The following ATP1A3 variants were observed in gnomAD, a reference collection of about 807,000 sequenced individuals.
ATP1A3 encodes the protein sodium/potassium-transporting ATPase subunit alpha-3.
Under a neutral mutation model 108.8 loss-of-function variants are expected in ATP1A3, and 12 were observed. The ratio of observed to expected loss-of-function variants is 0.11; its 90% CI spans 0.07 to 0.18. The LOEUF (loss-of-function observed/expected upper bound fraction) is 0.18. Among genes scored for constraint, ATP1A3 ranks in the 10% least tolerant of loss-of-function variants. ATP1A3 has a pLI of 1.00. For synonymous variants in ATP1A3, 539 were observed against 564.5 expected, an observed-to-expected ratio of 0.95 and a Z score of 0.64; for missense variants, 498 against 1,387.7, an observed-to-expected ratio of 0.36 and a Z score of 10.19.
Position 41,978,453 on chromosome 19 carries a change from C to G in ATP1A3, c.1631-127G>C. The stretch of plus-strand genomic sequence containing the variant: ...AAGACGGCCAGTCAGCATTCATTTC[C>G]TAGGATACCTTCCCCTCTCATCCAT... On this transcript the variant is annotated intron_variant, in intron 12 of 22. Transcript: ENST00000648268. The surrounding 1 kb of genome is among the most constrained non-coding windows in gnomAD (Gnocchi z 8.3). 2 of 1,465,846 alleles carry G rather than the reference C, an allele frequency of 1.4e-6. No homozygotes were observed. The highest frequency in any genetic ancestry group is 1.9e-6 in the Non-Finnish European group (2 of 1,075,568). 90.8% of individuals were successfully genotyped at this position (1,465,846 alleles called of 1,614,324 possible). A position where few individuals can be genotyped will look rare whatever the true frequency, so the allele number is the denominator to read the frequency against.
Position 41,986,239 on chromosome 19 carries a change from G to A in ATP1A3, c.358-10C>T, listed in dbSNP as rs782126913. The A allele has an allele frequency of 1.3e-5, 21 of 1,613,298 alleles. 1 individual carries two copies. In the South Asian group the frequency reaches 2.2e-4, roughly 17 times the overall value. ...CGATGCCCAGGTACAGCTGTGGGGA[G>A]ATGTGGGGATGTTGATCAGGGGCCG... On this transcript the variant is annotated splice_polypyrimidine_tract_variant and intron_variant, in intron 4 of 22. Transcript: ENST00000648268.
chr19:41,973,534 G>C (rs2075134903), intron 16 of ATP1A3, among the ~76,000 whole-genome samples: 1 of 152,210 alleles, frequency 6.6e-6, no homozygotes, highest in African/African-American at 2.4e-5. Flanking sequence ...GGGATTACAG[G>C]CGTGAGCCCC....
chr19:41,987,770 G>C (rs891075202), intron 4 of ATP1A3, among the ~76,000 whole-genome samples, 166 bp downstream of exon 4: 3 of 152,190 alleles, frequency 2.0e-5, no homozygotes, highest in Admixed American at 2.0e-4. Context: ...CTGAGCCTCA[G>C]TTTGCCTTGT....
chr19:41,976,382 G>A, intron 15 of ATP1A3, 34 bp downstream of exon 15: 4 of 1,613,302 alleles, frequency 2.5e-6, no homozygotes, highest in Non-Finnish European at 1.7e-6. Flanking sequence ...AGGAGTCAAG[G>A]CCCCGTCCCC....
intron 1 of ATP1A3, chr19:41,990,813 C>T (rs2075330897): frequency 6.6e-6 from 1 of 151,840 alleles, no homozygotes; most frequent in African/African-American, 2.4e-5. Flanking sequence ...ATTTCTGTCT[C>T]TCTGAGATCT....
chr19:41,967,356 C>T lies in ATP1A3; in HGVS notation c.2922-16G>A, dbSNP rs2145941489. The T allele has an allele frequency of 6.2e-7, 1 of 1,603,592 alleles. No homozygotes were observed. Among genetic ancestry groups the T allele is most frequent in the African/African-American group, 1.3e-5 (1 of 75,016 alleles). Reference sequence around the variant, plus strand: ...CCAGCTGGGCCTGCAGAGGGGAGAGCAGGAGGGCTTGAGTGCGGGGCCCTA... The same window carrying T: ...CCAGCTGGGCCTGCAGAGGGGAGAGTAGGAGGGCTTGAGTGCGGGGCCCTA... On this transcript the variant is annotated splice_polypyrimidine_tract_variant and intron_variant, in intron 21 of 22. Transcript: ENST00000648268. This position sits in a 1 kb window ranked among gnomAD's most constrained non-coding sequence, Gnocchi z 4.2.
In ATP1A3 at chr19:41,970,087, CCT is replaced by C; in HGVS notation, c.2542+96_2542+97del. The C allele has an allele frequency of 4.4e-6, 7 of 1,603,178 alleles. No homozygotes were observed. The East Asian group carries it at 6.7e-5, about 15-fold the overall frequency. Reference sequence around the variant, plus strand: ...GGTTGGTCCTGCCCACGTCTGCTCCCCTGAGTCAATGCCAGGGTCCCAAGCAC... The same window carrying C: ...GGTTGGTCCTGCCCACGTCTGCTCCCGAGTCAATGCCAGGGTCCCAAGCAC... On this transcript the variant is annotated intron_variant, in intron 18 of 22. Transcript: ENST00000648268.
chr19:41,967,487 G>A lies in ATP1A3; in HGVS notation c.2922-147C>T. 1 of 1,201,202 alleles carries A rather than the reference G, an allele frequency of 8.3e-7. No homozygotes were observed. The highest frequency in any genetic ancestry group is 1.2e-6 in the Non-Finnish European group (1 of 857,392). 74.4% of individuals were successfully genotyped at this position (1,201,202 alleles called of 1,614,324 possible). On this transcript the variant is annotated intron_variant, in intron 21 of 22. Coordinates refer to ENST00000648268, the MANE Select transcript of ATP1A3 (RefSeq NM_152296.5). This position sits in a 1 kb window ranked among gnomAD's most constrained non-coding sequence, Gnocchi z 4.2. ...TGCCCTGGGCGGGGCTGGGGCCTGG[G>A]GTCTTCGGAGTAATCCGTGGTGGGA...
chr19:41,967,013 G>C lies in ATP1A3; in HGVS notation c.3014-48C>G, dbSNP rs1555858751. 6.4e-7 allele frequency: 1 copy of C among 1,551,678 alleles called. No individual in the cohort carries two copies. The highest frequency in any genetic ancestry group is 2.0e-5 in the Admixed American group (1 of 50,988). ...AAAGAGACAGAGTAAGAGATGGAGA[G>C]AGACAGGCAAGGCGAGCCGCCCAGC... On this transcript the variant is annotated intron_variant, in intron 22 of 22. Transcript: ENST00000648268. This position sits in a 1 kb window ranked among gnomAD's most constrained non-coding sequence, Gnocchi z 4.2.
Position 41,966,866 on chromosome 19 carries a change from TGGG to T in ATP1A3, c.*68_*70del, listed in dbSNP as rs1555858671. ...GGCTCCTCCCCCCAGAATACAAAAT[TGGG>T]GGGACTGACAGGGGCGGTCCTGGGC... On this transcript the variant is annotated 3_prime_UTR_variant, in exon 23 of 23. Coordinates refer to ENST00000648268, the MANE Select transcript of ATP1A3 (RefSeq NM_152296.5). 6.6e-7 allele frequency: 1 copy of T among 1,524,842 alleles called. No homozygotes were observed. The highest frequency in any genetic ancestry group is 8.8e-7 in the Non-Finnish European group (1 of 1,134,356). The allele number at this position is 1,524,842 out of a possible 1,614,324, so 94.5% of individuals were successfully genotyped here.
At chr19:41,980,765 G>T (rs2075222235) in intron 11 of ATP1A3, among the ~76,000 whole-genome samples, 1 of 152,060 alleles carries the variant, frequency 6.6e-6, no homozygotes, top group Non-Finnish European at 1.5e-5. Flanking sequence ...CAAAAAATTA[G>T]CTGGGCATGG....
intron 1 of ATP1A3, among the ~76,000 whole-genome samples, chr19:41,989,615 G>C (rs541952229): frequency 6.6e-6 from 1 of 152,100 alleles, no homozygotes; most frequent in African/African-American, 2.4e-5. Context: ...CACCGTGCCC[G>C]GCCTCGTATC....
Position 41,966,710 on chromosome 19 carries a change from G to A in ATP1A3, c.*227C>T. 1 of 1,538,558 alleles carries A rather than the reference G, an allele frequency of 6.5e-7. No individual in the cohort carries two copies. The highest frequency in any genetic ancestry group is 2.0e-5 in the Admixed American group (1 of 50,498). The stretch of plus-strand genomic sequence containing the variant: ...CGGGAGGAATGGATAGAGGGGTGAG[G>A]AGAGGGAGAGAAACTGACACAGAAA... On this transcript the variant is annotated 3_prime_UTR_variant, in exon 23 of 23. Coordinates refer to ENST00000648268, the MANE Select transcript of ATP1A3 (RefSeq NM_152296.5).
chr19:41,978,490 T>C lies in ATP1A3; in HGVS notation c.1630+116A>G, dbSNP rs944283150. ...CCCCTCTCATCCATCCATTCATTCA[T>C]TCATTCATTCATTTACAGTATATTC... On this transcript the variant is annotated intron_variant, in intron 12 of 22. Coordinates refer to ENST00000648268, the MANE Select transcript of ATP1A3 (RefSeq NM_152296.5). The surrounding 1 kb of genome is among the most constrained non-coding windows in gnomAD (Gnocchi z 8.3). 2 of 1,501,766 alleles carry C rather than the reference T, an allele frequency of 1.3e-6. No homozygotes were observed. Among genetic ancestry groups the C allele is most frequent in the African/African-American group, 2.8e-5 (2 of 72,602 alleles). The allele number at this position is 1,501,766 out of a possible 1,614,324, so 93.0% of individuals were successfully genotyped here. A position where few individuals can be genotyped will look rare whatever the true frequency, so the allele number is the denominator to read the frequency against.
intron 16 of ATP1A3, among the ~76,000 whole-genome samples, chr19:41,971,390 C>A (rs1489168114): frequency 6.6e-6 from 1 of 152,144 alleles, no homozygotes; most frequent in Non-Finnish European, 1.5e-5. Context: ...AGTAATCCGA[C>A]TCCTAGGTTT....
At chr19:41,973,750 C>T (rs909211166) in intron 16 of ATP1A3, among the ~76,000 whole-genome samples, 2 of 152,230 alleles carry the variant, frequency 1.3e-5, no homozygotes, top group Non-Finnish European at 2.9e-5. Context: ...ATGGTGTCTG[C>T]TCTGCTCACA....
At chr19:41,976,770 T>C (rs1555861472) in intron 14 of ATP1A3, among the ~76,000 whole-genome samples, 1 of 151,952 alleles carries the variant, frequency 6.6e-6, no homozygotes. Context: ...AGGAAGGACT[T>C]TGGGGCAGTG....
chr19:41,986,085 C>G, intron 5 of ATP1A3, 31 bp downstream of exon 5: 1 of 1,614,164 alleles, frequency 6.2e-7, no homozygotes, highest in Non-Finnish European at 8.5e-7. Context: ...CACTAACACC[C>G]CCGTCTGGCC....
chr19:41,969,575 T>A lies in ATP1A3; in HGVS notation c.2548A>T (p.Ile850Phe), dbSNP rs1266471637. The change falls in exon 19 of 23, where the codon ATC (isoleucine) becomes TTC (phenylalanine). Residue 850 changes from isoleucine to phenylalanine, a missense_variant. Transcript: ENST00000648268. Reference sequence around the variant, plus strand: ...GAGAAGAAGCCACCGAGAGCCTGGATCATTCCTGGAAGGAGGAGAGAGGAA... The same window carrying A: ...GAGAAGAAGCCACCGAGAGCCTGGAACATTCCTGGAAGGAGGAGAGAGGAA... The part of the protein sequence containing the change: ...ISMAYGQIGM[I>F]QALGGFFSYF... 1.2e-6 allele frequency: 2 copies of A among 1,613,444 alleles called. No individual in the cohort carries two copies. Among genetic ancestry groups the A allele is most frequent in the Non-Finnish European group, 1.7e-6 (2 of 1,179,986 alleles).
Sources: gnomAD v4.1 joint callset for allele counts (sites outside exome capture counted in the v4.1 genomes callset) on GRCh38, gnomAD v4.1.1 for gene constraint, Gnocchi (gnomAD v3.1) non-coding constraint, MANE v1.5 for transcripts, NCBI Gene and HGNC (gene_info 2026-07-23, HGNC 2026-07-21) for gene names.